The following ANXA3 variants were observed in gnomAD, a reference collection of about 807,000 sequenced individuals.
ANXA3 encodes the protein 35-alpha calcimedin.
ANXA3 carries 46 observed loss-of-function variants against 48.8 expected under a neutral mutation model. The observed-to-expected ratio is 0.94, with a 90% CI of 0.74 to 1.21. The LOEUF is 1.21. ANXA3 is among the 50% of genes most tolerant of loss of function. The probability of loss-of-function intolerance (pLI) is 0.00; values close to 1 mark genes in which losing one functional copy is unlikely to be tolerated. For synonymous variants in ANXA3, 128 were observed against 134.7 expected (o/e 0.95, Z 0.35); for missense variants, 383 against 378.6 (o/e 1.01, Z -0.10).
chr4:78,577,367 A>G (rs7673877), intron 3 of ANXA3, among the ~76,000 whole-genome samples: 18,700 of 152,124 alleles, frequency 0.12, 3,687 homozygotes, highest in African/African-American at 0.41. Context: ...AGGGAACATA[A>G]AAAGAAAGAC....
chr4:78,575,734 A>G (rs1390495123), intron 3 of ANXA3, among the ~76,000 whole-genome samples: 1 of 152,256 alleles, frequency 6.6e-6, no homozygotes, highest in African/African-American at 2.4e-5. Context: ...TTTAAATTTT[A>G]GTGAAATCAA....
At chr4:78,559,397 T>G (rs1722582422) in intron 2 of ANXA3, among the ~76,000 whole-genome samples, 2 of 152,154 alleles carry the variant, frequency 1.3e-5, no homozygotes, top group African/African-American at 4.8e-5. Flanking sequence ...TAAAATTTTT[T>G]TAAATTAACT....
At chr4:78,595,915 G>A (rs1182757695) in intron 9 of ANXA3, 28 bp downstream of exon 9, 2 of 1,387,792 alleles carry the variant, frequency 1.4e-6, no homozygotes, top group Non-Finnish European at 2.0e-6. Flanking sequence ...AATCCTTTGT[G>A]TTGTATGTTG....
chr4:78,610,230 C>A lies in ANXA3; in HGVS notation c.*115C>A. On this transcript the variant is annotated 3_prime_UTR_variant, in exon 13 of 13. Transcript: ENST00000264908. Reference sequence around the variant, plus strand: ...TATAAACAGCAACTTGTGTTCCTAACAGGAATTTTCATTGTTCTATAACAA... The same window carrying A: ...TATAAACAGCAACTTGTGTTCCTAAAAGGAATTTTCATTGTTCTATAACAA... The A allele has an allele frequency of 1.7e-6, 1 of 575,192 alleles. No individual in the cohort carries two copies. The highest frequency in any genetic ancestry group is 3.0e-6 in the Non-Finnish European group (1 of 335,248). 35.6% of individuals were successfully genotyped at this position (575,192 alleles called of 1,614,324 possible).
At chr4:78,591,264 A>G (rs924158234) in intron 6 of ANXA3, among the ~76,000 whole-genome samples, 1 of 152,206 alleles carries the variant, frequency 6.6e-6, no homozygotes, top group Non-Finnish European at 1.5e-5. Context: ...CTTTTCCACT[A>G]TGCATCCCTT....
At chr4:78,608,513 A>C (rs970118615) in intron 12 of ANXA3, among the ~76,000 whole-genome samples, 2 of 152,180 alleles carry the variant, frequency 1.3e-5, no homozygotes, top group African/African-American at 4.8e-5. Flanking sequence ...TTGAAGAGTT[A>C]GTATCAGGAT....
intron 3 of ANXA3, among the ~76,000 whole-genome samples, chr4:78,576,835 G>C (rs1417297029): frequency 6.6e-6 from 1 of 152,182 alleles, no homozygotes; most frequent in African/African-American, 2.4e-5. Context: ...CTCTGAACCT[G>C]AGGCATCTTG....
intron 5 of ANXA3, among the ~76,000 whole-genome samples, chr4:78,585,864 G>C (rs1176679788): frequency 6.6e-6 from 1 of 152,202 alleles, no homozygotes; most frequent in African/African-American, 2.4e-5. Flanking sequence ...GATACATGCT[G>C]ATAGACCCAG....
At chr4:78,556,904 G>T (rs970656139) in intron 2 of ANXA3, among the ~76,000 whole-genome samples, 5 of 152,186 alleles carry the variant, frequency 3.3e-5, no homozygotes, top group Non-Finnish European at 5.9e-5. Context: ...GTGTGATCAA[G>T]GGTGTATTCA....
At chr4:78,557,523 G>T (rs189754981) in intron 2 of ANXA3, among the ~76,000 whole-genome samples, 1 of 152,102 alleles carries the variant, frequency 6.6e-6, no homozygotes, top group Admixed American at 6.5e-5. Flanking sequence ...CTACCACAGG[G>T]GCTAGGAGTA....
intron 5 of ANXA3, among the ~76,000 whole-genome samples, chr4:78,583,938 G>A (rs1439736157): frequency 2.0e-5 from 3 of 152,124 alleles, no homozygotes; most frequent in Non-Finnish European, 2.9e-5. Flanking sequence ...TGAATAAGTG[G>A]CATTATAGCC....
intron 4 of ANXA3, among the ~76,000 whole-genome samples, chr4:78,581,175 C>A (rs976430861): frequency 6.6e-6 from 1 of 152,196 alleles, no homozygotes; most frequent in Non-Finnish European, 1.5e-5. Flanking sequence ...TGCTGCACCC[C>A]CCAGGAGTGT....
At chr4:78,596,202 G>A (rs1723421183) in intron 9 of ANXA3, among the ~76,000 whole-genome samples, 1 of 152,190 alleles carries the variant, frequency 6.6e-6, no homozygotes, top group Non-Finnish European at 1.5e-5. Context: ...GTGGAATGGA[G>A]AAGCCCAACT....
chr4:78,561,356 G>A (rs1722624373), intron 2 of ANXA3, among the ~76,000 whole-genome samples: 2 of 152,134 alleles, frequency 1.3e-5, no homozygotes, highest in South Asian at 4.1e-4. Context: ...AGTGGTAGAG[G>A]CTCTTAGGAA....
chr4:78,560,440 C>A (rs764813438), intron 2 of ANXA3, among the ~76,000 whole-genome samples: 1 of 152,116 alleles, frequency 6.6e-6, no homozygotes, highest in Non-Finnish European at 1.5e-5. Flanking sequence ...TGAGGGATAC[C>A]CATGGGCAAG....
At chr4:78,606,338 G>A (rs989300169) in intron 12 of ANXA3, among the ~76,000 whole-genome samples, 1 of 152,148 alleles carries the variant, frequency 6.6e-6, no homozygotes, top group Non-Finnish European at 1.5e-5. Context: ...GAGTGCTGAG[G>A]GTCTAAAACT....
chr4:78,591,856 A>G (rs1364880873), intron 7 of ANXA3, among the ~76,000 whole-genome samples: 1 of 152,210 alleles, frequency 6.6e-6, no homozygotes, highest in Non-Finnish European at 1.5e-5. Context: ...CAGTAAGTGG[A>G]GGTGTTTTGG....
intron 5 of ANXA3, chr4:78,582,496 C>T: frequency 2.1e-6 from 1 of 469,176 alleles, no homozygotes; most frequent in Non-Finnish European, 3.8e-6. Flanking sequence ...TTGTCATATC[C>T]TTTGTTTGAC....
intron 7 of ANXA3, among the ~76,000 whole-genome samples, chr4:78,594,853 G>A (rs1215044578): frequency 1.3e-5 from 2 of 152,136 alleles, no homozygotes; most frequent in African/African-American, 4.8e-5. Flanking sequence ...TCTGTGTTGG[G>A]TTGGGCACAG....
Sources: gnomAD v4.1 joint callset for allele counts (sites outside exome capture counted in the v4.1 genomes callset) on GRCh38, gnomAD v4.1.1 for gene constraint, MANE v1.5 for transcripts, NCBI Gene and HGNC (gene_info 2026-07-23, HGNC 2026-07-21) for gene names.